The following MLXIP variants were observed in gnomAD, a reference collection of about 807,000 sequenced individuals.
MLXIP encodes MLX interacting protein, also known as MLX-interacting protein.
A neutral mutation model predicts 87.2 loss-of-function variants in MLXIP; 30 were observed. The ratio of observed to expected loss-of-function variants is 0.34; its 90% CI spans 0.26 to 0.47. MLXIP has a LOEUF of 0.47. Ranked by LOEUF, MLXIP falls within the 20% of genes least tolerant of loss-of-function variation. The probability of loss-of-function intolerance (pLI) is 1.00; values close to 1 mark genes in which losing one functional copy is unlikely to be tolerated. For synonymous variants in MLXIP, 530 were observed against 514.0 expected (o/e 1.03, Z -0.42); for missense variants, 1,002 against 1,240.1 (o/e 0.81, Z 2.88).
chr12:122,136,459 C>CAAAAAAAAAAAAAAAAAA lies in MLXIP; in HGVS notation c.2032+799_2032+816dup, dbSNP rs1224302321. On this transcript the variant is annotated intron_variant, in intron 11 of 16. Transcript: ENST00000319080. ...GAAACCTTGTCCCTATCAAAAAATG[C>CAAAAAAAAAAAAAAAAAA]AAAAAAAAAAAAAAAAAAAAAAAGC... 5 of 28,158 alleles carry CAAAAAAAAAAAAAAAAAA rather than the reference C, an allele frequency of 1.8e-4. 1 individual carries two copies. The highest frequency in any genetic ancestry group is 4.7e-4 in the African/African-American group (5 of 10,678). 1.7% of individuals were successfully genotyped at this position (28,158 alleles called of 1,614,324 possible).
intron 5 of MLXIP, 23 bp downstream of exon 5, chr12:122,129,652 AG>A: frequency 6.4e-7 from 1 of 1,567,138 alleles, no homozygotes; most frequent in Non-Finnish European, 8.6e-7. Context: ...GGGAGCTCTG[AG>A]GACCCCCACT....
At position 122,137,465 on chromosome 12, in the gene MLXIP, C is replaced by A. The variant is rs1363749161; in HGVS notation, c.2033-4C>A. ...CGCCCCTCAGAGGAGTCTGTTCTTA[C>A]CAGGTCGGGACTGCCCAAACTCAGG... On this transcript the variant is annotated splice_region_variant and splice_polypyrimidine_tract_variant and intron_variant, in intron 11 of 16. Transcript: ENST00000319080. The surrounding 1 kb of genome is among the most constrained non-coding windows in gnomAD (Gnocchi z 4.1). 1.2e-6 allele frequency: 2 copies of A among 1,613,040 alleles called. No homozygotes were observed. Among genetic ancestry groups the A allele is most frequent in the South Asian group, 2.2e-5 (2 of 91,000 alleles).
chr12:122,094,094 GGTGGTGT>G, intron 1 of MLXIP, among the ~76,000 whole-genome samples: 2 of 141,994 alleles, frequency 1.4e-5, no homozygotes, highest in Admixed American at 7.0e-5. Context: ...TGGTGTGTGT[GGTGGTGT>G]GTGTGTGGTG....
chr12:122,092,480 C>T (rs1303431678), intron 1 of MLXIP, among the ~76,000 whole-genome samples: 1 of 152,132 alleles, frequency 6.6e-6, no homozygotes, highest in Admixed American at 6.6e-5. Context: ...CCATAATCTT[C>T]TGAATACCAA....
chr12:122,122,345 C>T (rs1565977636), intron 1 of MLXIP, among the ~76,000 whole-genome samples: 1 of 152,060 alleles, frequency 6.6e-6, no homozygotes, highest in Non-Finnish European at 1.5e-5. Flanking sequence ...CCCTCCACTG[C>T]TGCAGGCTCC....
At chr12:122,079,995 G>A (rs1952068542) in intron 1 of MLXIP, among the ~76,000 whole-genome samples, 2 of 152,146 alleles carry the variant, frequency 1.3e-5, no homozygotes, top group African/African-American at 4.8e-5. Context: ...ATTATATGAG[G>A]GAGATGTCAT....
At chr12:122,095,422 A>G (rs1952337161) in intron 1 of MLXIP, among the ~76,000 whole-genome samples, 1 of 151,992 alleles carries the variant, frequency 6.6e-6, no homozygotes, top group African/African-American at 2.4e-5. Context: ...GGTGTTGGCA[A>G]GTAGCTTTAT....
Position 122,143,882 on chromosome 12 carries a change from T to A in MLXIP, c.*2070T>A, listed in dbSNP as rs3741452. 0.16 allele frequency: 24,971 copies of A among 152,572 alleles called. 2,506 individuals carry two copies. Among genetic ancestry groups the A allele is most frequent in the East Asian group, 0.26 (1,351 of 5,162 alleles). The allele number at this position is 152,572 out of a possible 1,614,324, so 9.5% of individuals were successfully genotyped here. Reference sequence around the variant, plus strand: ...TCTTCAGATATTTAAGGCTGTTAGGTTGTGTGAGCCTTGAAGTGTGTGTGT... The same window carrying A: ...TCTTCAGATATTTAAGGCTGTTAGGATGTGTGAGCCTTGAAGTGTGTGTGT... On this transcript the variant is annotated 3_prime_UTR_variant, in exon 17 of 17. Coordinates refer to ENST00000319080, the MANE Select transcript of MLXIP (RefSeq NM_014938.6).
chr12:122,124,551 G>A lies in MLXIP; in HGVS notation c.414-2705G>A, dbSNP rs554381555. Among the ~76,000 whole-genome samples the A allele has an allele frequency of 2.7e-5, 4 of 149,554 alleles. No individual in the cohort carries two copies. In the East Asian group the frequency reaches 7.9e-4, roughly 29 times the overall value. On this transcript the variant is annotated intron_variant, in intron 1 of 16. Transcript: ENST00000319080. ...GCACTCGGAGCTGACCTCTGCCCAG[G>A]TCTCTGTTCCTGGTGTTGGCAGAGG... is the stretch of plus-strand genomic sequence containing the variant.
At chr12:122,132,417 G>A in intron 8 of MLXIP, 34 bp downstream of exon 8, 1 of 1,532,952 alleles carries the variant, frequency 6.5e-7, no homozygotes, top group Non-Finnish European at 8.9e-7. Context: ...GGGGGAAGGG[G>A]CTGGCAGGCA....
chr12:122,127,437 G>A, intron 2 of MLXIP, 75 bp downstream of exon 2: 1 of 1,058,594 alleles, frequency 9.4e-7, no homozygotes, highest in Non-Finnish European at 1.4e-6. Flanking sequence ...CCAGGGACCA[G>A]AGTCTGCTCC....
chr12:122,128,057 A>T, intron 3 of MLXIP, 89 bp downstream of exon 3: 1 of 1,133,406 alleles, frequency 8.8e-7, no homozygotes, highest in Non-Finnish European at 1.3e-6. Flanking sequence ...CCTGTAGGAG[A>T]GGCTGCCGAG....
chr12:122,133,696 C>T lies in MLXIP; in HGVS notation c.1441C>T (p.Pro481Ser). Residue 481 changes from proline (P) to serine (S), a missense_variant, in exon 9 of 17, where the codon CCG becomes TCG. This residue lies in a region of MLXIP where 746 missense variants were observed against 897.0 expected (regional missense o/e 0.83). Coordinates refer to ENST00000319080, the MANE Select transcript of MLXIP (RefSeq NM_014938.6). This position sits in a 1 kb window ranked among gnomAD's most constrained non-coding sequence, Gnocchi z 4.9. ...GAAGTTTGCTGGAGTCAACAAAGCG[C>T]CGTCTGTCATCACCCACACGGCCTC... ...PQKFAGVNKA[P>S]SVITHTASAT... The T allele has an allele frequency of 6.2e-7, 1 of 1,613,742 alleles. No individual in the cohort carries two copies. The highest frequency in any genetic ancestry group is 8.5e-7 in the Non-Finnish European group (1 of 1,179,830).
At chr12:122,140,142 C>T (rs553203638) in intron 15 of MLXIP, among the ~76,000 whole-genome samples, 8 of 152,254 alleles carry the variant, frequency 5.3e-5, no homozygotes, top group South Asian at 2.1e-4. Flanking sequence ...ATCATCAGGC[C>T]GAGGTGGAGG....
chr12:122,121,650 C>A (rs1178064253), intron 1 of MLXIP, among the ~76,000 whole-genome samples: 1 of 152,088 alleles, frequency 6.6e-6, no homozygotes, highest in East Asian at 1.9e-4. Context: ...AATTAGGGAC[C>A]CCTGACCTGG....
In MLXIP at chr12:122,129,202, G is replaced by A. The variant is rs2135972486; in HGVS notation, c.672G>A (p.Lys224=). 7 of 1,610,908 alleles carry A rather than the reference G, an allele frequency of 4.3e-6. No individual in the cohort carries two copies. The East Asian group carries it at 8.9e-5, about 21-fold the overall frequency. Residue 224 remains lysine (K), a synonymous_variant, in exon 4 of 17, where the codon AAG becomes AAA. Coordinates refer to ENST00000319080, the MANE Select transcript of MLXIP (RefSeq NM_014938.6). ...RIEIVIREYH[K]WRTYFKKRLQ... is the part of the protein sequence containing the mutation. ...AGATTGTGATCCGGGAGTATCACAA[G>A]TGGAGAACCTACTTCAAGAAAAGGG...
At chr12:122,088,221 T>A (rs1223500164) in intron 1 of MLXIP, among the ~76,000 whole-genome samples, 1 of 152,096 alleles carries the variant, frequency 6.6e-6, no homozygotes, top group Non-Finnish European at 1.5e-5. Context: ...GGCTTTGGAG[T>A]TTGGAGCTTG....
chr12:122,141,480 G>A (rs190321790), intron 16 of MLXIP, among the ~76,000 whole-genome samples: 245 of 152,206 alleles, frequency 1.6e-3, no homozygotes, highest in African/African-American at 5.1e-3. Context: ...CTCCACCTAC[G>A]GCAGCTCCTG....
At chr12:122,141,237 G>C (rs1243952924) in intron 16 of MLXIP, 154 bp downstream of exon 16, 1 of 683,694 alleles carries the variant, frequency 1.5e-6, no homozygotes, top group African/African-American at 1.9e-5. Flanking sequence ...TCAGTCAGGA[G>C]CGCCCAGTGG....
Sources: allele counts gnomAD v4.1 joint callset (sites outside exome capture counted in the v4.1 genomes callset), GRCh38; gene constraint gnomAD v4.1.1; regional missense constraint gnomAD v4.1.1; non-coding constraint Gnocchi (gnomAD v3.1); transcripts MANE v1.5; gene names NCBI Gene and HGNC (gene_info 2026-07-23, HGNC 2026-07-21).